BAZ2A: variants seen among roughly 807,000 people sequenced by gnomAD.
The protein encoded by BAZ2A is bromodomain adjacent to zinc finger domain 2A.
A neutral mutation model predicts 199.9 loss-of-function variants in BAZ2A; 34 were observed. That is an observed-to-expected ratio of 0.17 (90% CI 0.13 to 0.23). The LOEUF (loss-of-function observed/expected upper bound fraction) is 0.23, where lower values mean the gene tolerates loss of function less well. BAZ2A is among the 10% of genes least tolerant of loss of function. The pLI, the probability that BAZ2A is intolerant of heterozygous loss-of-function variation, is 1.00. For missense variants in BAZ2A, 2,002 were observed against 2,391.1 expected (o/e 0.84, Z 3.39); for synonymous variants, 857 against 883.9 (o/e 0.97, Z 0.54).
At chr12:56,624,350 T>C (rs953133472) in intron 1 of BAZ2A, among the ~76,000 whole-genome samples, 3 of 152,126 alleles carry the variant, frequency 2.0e-5, no homozygotes, top group African/African-American at 7.2e-5. Flanking sequence ...AACTGTCACG[T>C]CCAGGCTGTT....
chr12:56,615,451 G>C lies in BAZ2A; in HGVS notation c.293C>G (p.Ser98Cys). 1 of 1,613,526 alleles carries C rather than the reference G, an allele frequency of 6.2e-7. No homozygotes were observed. The highest frequency in any genetic ancestry group is 8.5e-7 in the Non-Finnish European group (1 of 1,179,862). The change falls in exon 3 of 29, where the codon TCT (serine) becomes TGT (cysteine). Residue 98 changes from serine to cysteine, a missense_variant. Ser to Cys is a moderately radical substitution (Grantham distance 112). This residue lies in a region of BAZ2A where 641 missense variants were observed against 694.5 expected (regional missense o/e 0.92). Coordinates refer to ENST00000549884, the MANE Select transcript of BAZ2A (RefSeq NM_001300905.2). The part of the protein sequence containing the change: ...DCLWNYSQYP[S>C]ANPGSNLKDP... ...CTTGAGGTTGCTGCCAGGATTGGCA[G>C]ATGGGTACTGTGAGTAGTTCCAGAG... is the stretch of plus-strand genomic sequence containing the variant.
At position 56,597,501 on chromosome 12, in the gene BAZ2A, T is replaced by C; in HGVS notation, c.*1117A>G. On this transcript the variant is annotated 3_prime_UTR_variant, in exon 29 of 29. Coordinates refer to ENST00000549884, the MANE Select transcript of BAZ2A (RefSeq NM_001300905.2). ...TTTTAAACAATGGGAAAAATGGGAA[T>C]GAAAACAGGTACTTGGGGAAACTGA... The C allele has an allele frequency of 6.6e-6, 1 of 151,086 alleles. No individual in the cohort carries two copies. The highest frequency in any genetic ancestry group is 2.4e-5 in the African/African-American group (1 of 41,012). 9.4% of individuals were successfully genotyped at this position (151,086 alleles called of 1,614,324 possible).
Position 56,613,197 on chromosome 12 carries a change from G to C in BAZ2A, c.953C>G (p.Thr318Arg). The C allele has an allele frequency of 6.2e-7, 1 of 1,613,974 alleles. No individual in the cohort carries two copies. The highest frequency in any genetic ancestry group is 8.5e-7 in the Non-Finnish European group (1 of 1,179,886). Residue 318 changes from threonine (T) to arginine (R), a missense_variant, in exon 5 of 29, where the codon ACG becomes AGG. Thr to Arg is a moderately conservative substitution (Grantham distance 71). Coordinates refer to ENST00000549884, the MANE Select transcript of BAZ2A (RefSeq NM_001300905.2). ...CTTGTCCTCTGCACCCATCAGCTCCGTGTCATCAATACCATATAGTCCTCC... is the reference window on the plus strand; with the variant it reads ...CTTGTCCTCTGCACCCATCAGCTCCCTGTCATCAATACCATATAGTCCTCC... ...VSGGLYGIDD[T>R]ELMGAEDKLP...
At position 56,613,048 on chromosome 12, in the gene BAZ2A, A is replaced by G. The variant is rs941103013; in HGVS notation, c.1102T>C (p.Ser368Pro). 1.9e-6 allele frequency: 3 copies of G among 1,613,788 alleles called. No homozygotes were observed. Among genetic ancestry groups the G allele is most frequent in the Non-Finnish European group, 2.5e-6 (3 of 1,179,868 alleles). ...TSTSIFASPTSPPVLGESVLQ... is the reference protein window; with the variant it reads ...TSTSIFASPTPPPVLGESVLQ... ...ACAGACTCCCCTAGGACAGGTGGAG[A>G]GGTGGGACTGGCAAAGATAGAGGTT... Residue 368 changes from serine to proline, a missense_variant, in exon 5 of 29, where the codon TCT becomes CCT. By Grantham distance (74) the Ser-to-Pro change is moderately conservative. Coordinates refer to ENST00000549884, the MANE Select transcript of BAZ2A (RefSeq NM_001300905.2).
In BAZ2A at chr12:56,599,821, T is replaced by C. The variant is rs757377596; in HGVS notation, c.5053A>G (p.Asn1685Asp). 7 of 1,613,852 alleles carry C rather than the reference T, an allele frequency of 4.3e-6. No individual in the cohort carries two copies. Among genetic ancestry groups the C allele is most frequent in the Non-Finnish European group, 5.9e-6 (7 of 1,179,876 alleles). ...VTCLVCRKGD[N>D]DEFLLLCDGC... ...TCACAAAGCAGAAGAAACTCATCAT[T>C]GTCACCCTTCCGGCAGACTAGACAT... is the stretch of plus-strand genomic sequence containing the variant. Residue 1685 changes from asparagine to aspartate, a missense_variant, in exon 26 of 29, where the codon AAT becomes GAT. Around this residue, in one of 6 missense-constraint regions of BAZ2A, gnomAD observed 1,081 missense variants for 1,274.7 expected, o/e 0.85. Transcript: ENST00000549884.
intron 2 of BAZ2A, among the ~76,000 whole-genome samples, chr12:56,615,902 TA>T (rs1950703112): frequency 6.6e-6 from 1 of 152,058 alleles, no homozygotes; most frequent in South Asian, 2.1e-4. Flanking sequence ...TTTTTTGGTT[TA>T]TTTTTTGTTT....
At position 56,598,666 on chromosome 12, in the gene BAZ2A, G is replaced by A. The variant is rs59347862; in HGVS notation, c.5664C>T (p.Phe1888=). ...GKAGHIMRRF[F]ESRWEEFYQG... is the part of the protein sequence containing the mutation. ...GATAAAACTCCTCCCAGCGGCTCTCGAAGAAGCGGCGCATGATGTGCCCAG... is the reference window on the plus strand; with the variant it reads ...GATAAAACTCCTCCCAGCGGCTCTCAAAGAAGCGGCGCATGATGTGCCCAG... Residue 1888 remains phenylalanine (F), a synonymous_variant, in exon 29 of 29, where the codon TTC becomes TTT. Transcript: ENST00000549884. 2.3e-4 allele frequency: 364 copies of A among 1,613,728 alleles called. 4 individuals are homozygous for A. In the East Asian group the frequency reaches 6.0e-3, roughly 27 times the overall value.
chr12:56,596,774 A>C lies in BAZ2A; in HGVS notation c.*1844T>G, dbSNP rs1455146447. ...TTCAATCCACCTCTTAAAAGCAAAA[A>C]AAAATCTCAAATAAAATTAAAAGTT... On this transcript the variant is annotated 3_prime_UTR_variant, in exon 29 of 29. Transcript: ENST00000549884. 6.6e-6 allele frequency: 1 copy of C among 152,558 alleles called. No homozygotes were observed. Among genetic ancestry groups the C allele is most frequent in the African/African-American group, 2.4e-5 (1 of 41,442 alleles). 9.5% of individuals were successfully genotyped at this position (152,558 alleles called of 1,614,324 possible).
intron 1 of BAZ2A, among the ~76,000 whole-genome samples, chr12:56,618,039 T>C (rs1950780733): frequency 6.6e-6 from 1 of 152,234 alleles, no homozygotes; most frequent in African/African-American, 2.4e-5. Context: ...CTAATTATCC[T>C]ATCCATAGCC....
intron 20 of BAZ2A, 32 bp from the exon 21 acceptor site, chr12:56,601,434 G>A (rs1886468611): frequency 3.7e-6 from 6 of 1,601,258 alleles, no homozygotes; most frequent in South Asian, 2.2e-5. Flanking sequence ...AGGAAATGAG[G>A]ATGTTTTCAT....
At position 56,601,790 on chromosome 12, in the gene BAZ2A, C is replaced by T. The variant is rs1886509062; in HGVS notation, c.3827G>A (p.Ser1276Asn). 6.2e-7 allele frequency: 1 copy of T among 1,614,012 alleles called. No homozygotes were observed. The highest frequency in any genetic ancestry group is 8.5e-7 in the Non-Finnish European group (1 of 1,179,896). Residue 1276 changes from serine to asparagine, a missense_variant, in exon 20 of 29, where the codon AGC (serine) becomes AAC (asparagine). This residue lies in a region of BAZ2A where 1,081 missense variants were observed against 1,274.7 expected (regional missense o/e 0.85). Coordinates refer to ENST00000549884, the MANE Select transcript of BAZ2A (RefSeq NM_001300905.2). The part of the protein sequence containing the change: ...AFLSWLSQTQ[S>N]HSSLLSSSVL... ...TGAGCTGCTCAACAGGGAGCTATGG[C>T]TCTGAGTCTGGCTCAGCCAAGACAG...
chr12:56,607,579 G>A (rs183779341), intron 10 of BAZ2A, among the ~76,000 whole-genome samples: 2 of 152,250 alleles, frequency 1.3e-5, no homozygotes, highest in East Asian at 3.9e-4. Flanking sequence ...CACCGTTTTA[G>A]CCATGACGGT....
At chr12:56,604,414 G>T in intron 15 of BAZ2A, 123 bp from the exon 16 acceptor site, 1 of 1,313,098 alleles carries the variant, frequency 7.6e-7, no homozygotes, top group Non-Finnish European at 1.1e-6. Flanking sequence ...GTGAATGGCA[G>T]AAGGCTTAGG....
chr12:56,637,545 C>T (rs1951476980), upstream of BAZ2A, among the ~76,000 whole-genome samples: 1 of 152,202 alleles, frequency 6.6e-6, no homozygotes, highest in Admixed American at 6.5e-5. Flanking sequence ...TAGTTAAGTA[C>T]ACTTTCTGAA....
At position 56,630,302 on chromosome 12, in the gene BAZ2A, C is replaced by T; in HGVS notation, c.-180G>A. The T allele has an allele frequency of 4.1e-6, 4 of 984,596 alleles. No individual in the cohort carries two copies. Among genetic ancestry groups the T allele is most frequent in the Non-Finnish European group, 4.8e-6 (4 of 829,138 alleles). The allele number at this position is 984,596 out of a possible 1,614,324, so 61.0% of individuals were successfully genotyped here. A position where few individuals can be genotyped will look rare whatever the true frequency, so the allele number is the denominator to read the frequency against. ...GCTCAACCGCGGGGCCCGAGAGGAG[C>T]CAACATGGCCGGCGGGGGAGGAGTG... On this transcript the variant is annotated 5_prime_UTR_variant, in exon 1 of 29. Coordinates refer to ENST00000549884, the MANE Select transcript of BAZ2A (RefSeq NM_001300905.2).
At chr12:56,622,287 C>G (rs915240443) in intron 1 of BAZ2A, among the ~76,000 whole-genome samples, 2 of 152,040 alleles carry the variant, frequency 1.3e-5, no homozygotes, top group African/African-American at 2.4e-5. Context: ...TTGCAGTGAG[C>G]TGAGATCGCA....
chr12:56,606,244 T>C lies in BAZ2A; in HGVS notation c.2259+3A>G, dbSNP rs1029773009. Reference sequence around the variant, plus strand: ...TACTTGGCAAGTTTGTACATGCACCTACCTTGGATTTCTTCTTAGCTTCCT... The same window carrying C: ...TACTTGGCAAGTTTGTACATGCACCCACCTTGGATTTCTTCTTAGCTTCCT... On this transcript the variant is annotated splice_donor_region_variant and intron_variant, in intron 12 of 28. Transcript: ENST00000549884. The C allele has an allele frequency of 1.9e-6, 3 of 1,613,944 alleles. No homozygotes were observed. The African/African-American group carries it at 4.0e-5, about 22-fold the overall frequency.
intron 1 of BAZ2A, among the ~76,000 whole-genome samples, chr12:56,617,796 A>G (rs917631992): frequency 1.3e-5 from 2 of 152,148 alleles, no homozygotes; most frequent in African/African-American, 4.8e-5. Flanking sequence ...ACCAAGATAC[A>G]AACCTGGAGG....
In BAZ2A at chr12:56,600,753, C is replaced by T. The variant is rs1366379686; in HGVS notation, c.4530G>A (p.Glu1510=). The stretch of plus-strand genomic sequence containing the variant: ...CCCATTGAAGCACTGCTAGGTCTGT[C>T]TCGTATGTCTTCTCTTTGGGGGACC... ...MSWSPKEKTY[E]TDLAVLQWVE... Residue 1510 remains glutamate, a synonymous_variant, in exon 23 of 29, where the codon GAG becomes GAA. Transcript: ENST00000549884. 2.5e-6 allele frequency: 4 copies of T among 1,613,736 alleles called. No individual in the cohort carries two copies. The highest frequency in any genetic ancestry group is 2.2e-5 in the South Asian group (2 of 91,076).
Sources: gnomAD v4.1 joint callset for allele counts (sites outside exome capture counted in the v4.1 genomes callset) on GRCh38, gnomAD v4.1.1 for gene constraint, gnomAD v4.1.1 regional missense constraint, MANE v1.5 for transcripts, NCBI Gene and HGNC (gene_info 2026-07-23, HGNC 2026-07-21) for gene names.